DPP10: variants seen among roughly 807,000 people sequenced by gnomAD.
DPP10 encodes dipeptidyl peptidase like 10.
Under a neutral mutation model 120.9 loss-of-function variants are expected in DPP10, and 33 were observed. That is an observed-to-expected ratio of 0.27 (90% CI 0.21 to 0.37). The LOEUF is 0.37. DPP10 is among the 10% of genes least tolerant of loss of function. The pLI, the probability that DPP10 is intolerant of heterozygous loss-of-function variation, is 1.00. For missense variants in DPP10, 816 were observed against 942.8 expected, an observed-to-expected ratio of 0.87 and a Z score of 1.76; for synonymous variants, 337 against 326.1, an observed-to-expected ratio of 1.03 and a Z score of -0.36.
intron 3 of DPP10, among the ~76,000 whole-genome samples, chr2:115,495,580 G>A (rs903563647): frequency 6.6e-6 from 1 of 152,006 alleles, no homozygotes; most frequent in Non-Finnish European, 1.5e-5. Context: ...TCTGCTTTGT[G>A]TGGAAGAGGT....
intron 3 of DPP10, among the ~76,000 whole-genome samples, chr2:115,402,265 T>C (rs2068125350): frequency 6.6e-6 from 1 of 152,080 alleles, no homozygotes; most frequent in Non-Finnish European, 1.5e-5. Flanking sequence ...AGGCACTCTT[T>C]ACAGAAGGCT....
chr2:114,898,959 A>G (rs911187840), intron 1 of DPP10, among the ~76,000 whole-genome samples: 22 of 152,276 alleles, frequency 1.4e-4, no homozygotes, highest in Admixed American at 4.6e-4. Flanking sequence ...CTGGATGTGG[A>G]CTAGAATCTT....
intron 1 of DPP10, among the ~76,000 whole-genome samples, chr2:114,975,225 T>C (rs902104430): frequency 1.3e-5 from 2 of 152,034 alleles, no homozygotes; most frequent in Admixed American, 1.3e-4. Context: ...TTTGTATTTT[T>C]AGTAGAGATG....
In DPP10 at chr2:115,087,533, C is replaced by CTTTTTTTTTTTTTTTTTTTTTTT. The variant is rs1310507943; in HGVS notation, c.61-221702_61-221701insTTTTTTTTTTTTTTTTTTTTTTT. ...TCTTTTTCTTTCTTTCTTTTCTTTT[C>CTTTTTTTTTTTTTTTTTTTTTTT]TTTTCTTTTTTTTTTTTTTTTTTGA... On this transcript the variant is annotated intron_variant, in intron 1 of 25. Transcript: ENST00000410059. 5.4e-5 allele frequency among the ~76,000 whole-genome samples: 5 copies of CTTTTTTTTTTTTTTTTTTTTTTT among 92,590 alleles called. 1 individual carries two copies. Among genetic ancestry groups the CTTTTTTTTTTTTTTTTTTTTTTT allele is most frequent in the Admixed American group, 1.3e-4 (1 of 7,652 alleles). The allele number at this position is 92,590 out of a possible 152,430, so 60.7% of individuals were successfully genotyped here.
At chr2:115,710,820 CTGTTTTGTTGGTAGCCTG>C (rs2092292100) in intron 7 of DPP10, among the ~76,000 whole-genome samples, 1 of 151,970 alleles carries the variant, frequency 6.6e-6, no homozygotes, top group East Asian at 1.9e-4. Context: ...TTAAGTAATC[CTGTTTTGTTGGTAGCCTG>C]TGTTTTGTTG....
chr2:114,690,672 G>A (rs1026079804), intron 1 of DPP10, among the ~76,000 whole-genome samples: 1 of 152,108 alleles, frequency 6.6e-6, no homozygotes, highest in African/African-American at 2.4e-5. Flanking sequence ...ATTACTTTGG[G>A]TAGTATGTCC....
chr2:114,598,214 G>A (rs139594401), intron 1 of DPP10, among the ~76,000 whole-genome samples: 1 of 151,912 alleles, frequency 6.6e-6, no homozygotes, highest in Non-Finnish European at 1.5e-5. Flanking sequence ...TGGCTAACTT[G>A]TTCTACATTT....
intron 1 of DPP10, among the ~76,000 whole-genome samples, chr2:114,939,265 T>G (rs545694184): frequency 1.5e-4 from 23 of 151,952 alleles, no homozygotes; most frequent in African/African-American, 5.3e-4. Context: ...GAAGAGCAGG[T>G]GTTGAAAGGG....
intron 1 of DPP10, among the ~76,000 whole-genome samples, chr2:114,872,444 G>T (rs1226900912): frequency 2.0e-5 from 3 of 152,164 alleles, no homozygotes; most frequent in African/African-American, 7.2e-5. Context: ...TTCAAGATGA[G>T]ATGTGGGTGG....
At position 115,537,537 on chromosome 2, in the gene DPP10, C is replaced by T. The variant is rs1482453613; in HGVS notation, c.441+11565C>T. ...ATGGAAGAAAACATAGTTATTGCAC[C>T]CTGACTTTACTTGAGACACATCACT... is the stretch of plus-strand genomic sequence containing the variant. On this transcript the variant is annotated intron_variant, in intron 5 of 25. Coordinates refer to ENST00000410059, the MANE Select transcript of DPP10 (RefSeq NM_020868.6). 2.0e-5 allele frequency among the ~76,000 whole-genome samples: 3 copies of T among 148,992 alleles called. No individual in the cohort carries two copies. In the Admixed American group the frequency reaches 2.0e-4, roughly 10 times the overall value.
chr2:114,719,998 G>GT (rs1558669078), intron 1 of DPP10, among the ~76,000 whole-genome samples: 2 of 152,180 alleles, frequency 1.3e-5, no homozygotes, highest in Non-Finnish European at 2.9e-5. Context: ...TGCGATTTGA[G>GT]TTTGGTTAAT....
chr2:114,537,419 T>C (rs768025064), intron 1 of DPP10, among the ~76,000 whole-genome samples: 1 of 152,132 alleles, frequency 6.6e-6, no homozygotes, highest in Non-Finnish European at 1.5e-5. Context: ...AGGAAAATCA[T>C]CTCTGTGGAA....
At chr2:115,264,274 G>T (rs2059371856) in intron 1 of DPP10, among the ~76,000 whole-genome samples, 2 of 152,064 alleles carry the variant, frequency 1.3e-5, no homozygotes, top group Non-Finnish European at 2.9e-5. Flanking sequence ...ACTAACCACC[G>T]ACAAAATTTA....
intron 3 of DPP10, among the ~76,000 whole-genome samples, chr2:115,367,750 G>GT (rs1346365795): frequency 3.3e-5 from 5 of 151,860 alleles, no homozygotes; most frequent in Non-Finnish European, 7.4e-5. Flanking sequence ...TTTGTTATGT[G>GT]TATGACTGAC....
chr2:115,725,570 T>C (rs1470608492), intron 7 of DPP10, among the ~76,000 whole-genome samples: 1 of 152,194 alleles, frequency 6.6e-6, no homozygotes, highest in Non-Finnish European at 1.5e-5. Flanking sequence ...TAATTACTGG[T>C]CAATAGTTTT....
intron 5 of DPP10, among the ~76,000 whole-genome samples, chr2:115,596,818 A>G (rs923362056): frequency 1.3e-5 from 2 of 152,190 alleles, no homozygotes; most frequent in African/African-American, 4.8e-5. Flanking sequence ...AATGGTAAAC[A>G]CTTTTAATGT....
intron 1 of DPP10, among the ~76,000 whole-genome samples, chr2:114,712,253 G>A (rs1212749360): frequency 1.3e-5 from 2 of 152,198 alleles, no homozygotes; most frequent in Non-Finnish European, 2.9e-5. Flanking sequence ...TCAGGAGATG[G>A]AGGTTGCAGT....
chr2:114,722,739 G>T (rs1465798711), intron 1 of DPP10, among the ~76,000 whole-genome samples: 1 of 121,750 alleles, frequency 8.2e-6, no homozygotes, highest in African/African-American at 3.2e-5. Context: ...TTGAGCCACC[G>T]CACTCCAGCC....
rs550739970 is a variant in DPP10, at chr2:115,029,038, A to G, written c.61-280201A>G. 2.6e-5 allele frequency among the ~76,000 whole-genome samples: 4 copies of G among 152,142 alleles called. No homozygotes were observed. In the East Asian group the frequency reaches 7.7e-4, roughly 29 times the overall value. On this transcript the variant is annotated intron_variant, in intron 1 of 25. Coordinates refer to ENST00000410059, the MANE Select transcript of DPP10 (RefSeq NM_020868.6). ...CTCTGTGTATTTTTATTAGAGAATT[A>G]TCTCCACTTATATTCAGTGTTATTA...
Sources: allele counts gnomAD v4.1 joint callset (sites outside exome capture counted in the v4.1 genomes callset), GRCh38; gene constraint gnomAD v4.1.1; transcripts MANE v1.5; gene names NCBI Gene and HGNC (gene_info 2026-07-23, HGNC 2026-07-21).